Variants in HPS3 observed in about 807,000 individuals in gnomAD.
HPS3 encodes the protein BLOC-2 complex member HPS3.
Under a neutral mutation model 110.9 loss-of-function variants are expected in HPS3, and 79 were observed. The ratio of observed to expected loss-of-function variants is 0.71; its 90% CI spans 0.59 to 0.86. The LOEUF is 0.86. Among genes scored for constraint, HPS3 ranks in the 40% least tolerant of loss-of-function variants. The pLI is 0.00. For synonymous variants in HPS3, 428 were observed against 451.0 expected, an observed-to-expected ratio of 0.95 and a Z score of 0.65; for missense variants, 1,197 against 1,206.2, an observed-to-expected ratio of 0.99 and a Z score of 0.11.
rs532275667 is a variant in HPS3, at chr3:149,143,702, A to G, written c.971-1652A>G. Among the ~76,000 whole-genome samples the G allele has an allele frequency of 9.2e-5, 14 of 152,312 alleles. 1 individual carries two copies. In the South Asian group the frequency reaches 2.3e-3, roughly 25 times the overall value. On this transcript the variant is annotated intron_variant, in intron 4 of 16. Coordinates refer to ENST00000296051, the MANE Select transcript of HPS3 (RefSeq NM_032383.5). ...TTATATGAGGTGTAAAATTATGTGT[A>G]TTTGGAGATTCGTGAGCAGTTCTCT...
chr3:149,130,072 C>T lies in HPS3; in HGVS notation c.217+132C>T, dbSNP rs115165700. 0.011 allele frequency: 9,603 copies of T among 864,686 alleles called. 137 individuals carry two copies. The highest frequency in any genetic ancestry group is 0.056 in the African/African-American group (3,376 of 59,992). 53.6% of individuals were successfully genotyped at this position (864,686 alleles called of 1,614,324 possible). ...CTTCCCGGAATTTGCCGGATGGTCT[C>T]CCTGGGTCTGGCCGCTGATTGCTTG... On this transcript the variant is annotated intron_variant, in intron 1 of 16. Coordinates refer to ENST00000296051, the MANE Select transcript of HPS3 (RefSeq NM_032383.5).
At chr3:149,134,895 A>G (rs1721997469) in intron 1 of HPS3, among the ~76,000 whole-genome samples, 1 of 152,208 alleles carries the variant, frequency 6.6e-6, no homozygotes, top group African/African-American at 2.4e-5. Flanking sequence ...GCTCCTATTA[A>G]TGCACCCACA....
intron 1 of HPS3, among the ~76,000 whole-genome samples, chr3:149,134,319 A>G (rs1431351432): frequency 6.6e-6 from 1 of 152,196 alleles, no homozygotes; most frequent in Non-Finnish European, 1.5e-5. Context: ...TCTCACTTTC[A>G]AGAGTTCTAC....
intron 6 of HPS3, among the ~76,000 whole-genome samples, chr3:149,151,622 T>C (rs970460700): frequency 8.2e-6 from 1 of 122,108 alleles, no homozygotes; most frequent in Non-Finnish European, 1.8e-5. Flanking sequence ...AAAAAGCCTC[T>C]TGACCACAGA....
At chr3:149,156,711 T>C (rs1176476706) in intron 8 of HPS3, among the ~76,000 whole-genome samples, 1 of 152,156 alleles carries the variant, frequency 6.6e-6, no homozygotes, top group Non-Finnish European at 1.5e-5. Context: ...TAATTTTTGG[T>C]CATCAGGTCA....
chr3:149,143,923 G>A (rs1722633871), intron 4 of HPS3, among the ~76,000 whole-genome samples: 1 of 152,140 alleles, frequency 6.6e-6, no homozygotes, highest in African/African-American at 2.4e-5. Context: ...AAATAGTGCA[G>A]TGAACCCCCA....
chr3:149,164,043 G>A (rs1724163991), intron 14 of HPS3, 94 bp downstream of exon 14: 2 of 687,302 alleles, frequency 2.9e-6, no homozygotes, highest in Admixed American at 2.4e-5. Flanking sequence ...TGTTAATCTA[G>A]AATGTAGAAT....
intron 4 of HPS3, among the ~76,000 whole-genome samples, chr3:149,143,626 C>T (rs1024607232): frequency 6.6e-5 from 10 of 151,976 alleles, no homozygotes; most frequent in Admixed American, 6.6e-5. Context: ...TGAGCTGGGC[C>T]GTAATGGATG....
At chr3:149,130,012 T>C in intron 1 of HPS3, 72 bp downstream of exon 1, 1 of 1,390,896 alleles carries the variant, frequency 7.2e-7, no homozygotes, top group Non-Finnish European at 9.8e-7. Flanking sequence ...ACCGAACGTC[T>C]GGGCTGTAGC....
chr3:149,129,856 G>C lies in HPS3; in HGVS notation c.133G>C (p.Ala45Pro), dbSNP rs746651112. ...GGCGGGCTGCAAGGTGGAGGCGTTC[G>C]CGGTGGCCGGCCAGGAGCTGTGCCA... The part of the protein sequence containing the change: ...VAAGCKVEAF[A>P]VAGQELCQPR... Residue 45 changes from alanine to proline, a missense_variant, in exon 1 of 17, where the codon GCG becomes CCG. Transcript: ENST00000296051. The C allele has an allele frequency of 3.7e-6, 6 of 1,600,202 alleles. No individual in the cohort carries two copies. The East Asian group carries it at 9.0e-5, about 24-fold the overall frequency.
chr3:149,143,282 G>A (rs1386844090), intron 4 of HPS3, among the ~76,000 whole-genome samples: 2 of 152,150 alleles, frequency 1.3e-5, no homozygotes, highest in African/African-American at 2.4e-5. Context: ...CCACAGGCAC[G>A]CTTATCTAAG....
At chr3:149,164,618 AG>A (rs900910142) in intron 14 of HPS3, among the ~76,000 whole-genome samples, 3 of 152,216 alleles carry the variant, frequency 2.0e-5, no homozygotes, top group Non-Finnish European at 4.4e-5. Context: ...TTCCCAGTGT[AG>A]GTGCTAACAT....
chr3:149,145,764 T>C (rs1025165168), intron 5 of HPS3, among the ~76,000 whole-genome samples: 13 of 152,352 alleles, frequency 8.5e-5, no homozygotes, highest in South Asian at 2.1e-4. Flanking sequence ...CTAGACTGGA[T>C]AGGGGTCCCT....
chr3:149,143,730 G>A (rs1435841000), intron 4 of HPS3, among the ~76,000 whole-genome samples: 1 of 152,108 alleles, frequency 6.6e-6, no homozygotes, highest in Non-Finnish European at 1.5e-5. Flanking sequence ...AGTTCTCTTT[G>A]GCCAGAGCAC....
intron 14 of HPS3, among the ~76,000 whole-genome samples, chr3:149,164,235 A>G (rs1184662446): frequency 6.6e-6 from 1 of 152,184 alleles, no homozygotes; most frequent in Non-Finnish European, 1.5e-5. Context: ...GCTTGAAAAC[A>G]CTTTGTGAAA....
chr3:149,150,550 G>T, intron 5 of HPS3, 49 bp from the exon 6 acceptor site: 1 of 1,482,760 alleles, frequency 6.7e-7, no homozygotes, highest in Non-Finnish European at 9.4e-7. Context: ...CTGTGGGTAT[G>T]TTGGTTCTTG....
rs771058291 is a variant in HPS3, at chr3:149,162,251, A to G, written c.2210A>G (p.Gln737Arg). Reference sequence around the variant, plus strand: ...CTTGCACTTCACTTGAAGGAAACTCAGCCTGGATTGCTTGTGGCTTCAGTT... The same window carrying G: ...CTTGCACTTCACTTGAAGGAAACTCGGCCTGGATTGCTTGTGGCTTCAGTT... The part of the protein sequence containing the change: ...TELALHLKET[Q>R]PGLLVASVLG... Residue 737 changes from glutamine to arginine, a missense_variant, in exon 12 of 17, where the codon CAG becomes CGG. By Grantham distance (43) the Gln-to-Arg change is conservative. Transcript: ENST00000296051. The G allele has an allele frequency of 1.9e-6, 3 of 1,613,936 alleles. No individual in the cohort carries two copies. The East Asian group carries it at 6.7e-5, about 36-fold the overall frequency.
intron 5 of HPS3, among the ~76,000 whole-genome samples, chr3:149,149,443 T>C (rs1018473126): frequency 3.3e-5 from 5 of 152,134 alleles, no homozygotes; most frequent in African/African-American, 9.7e-5. Context: ...GTCCTAGTTA[T>C]TGTCAGGACT....
chr3:149,148,361 C>T (rs1722901458), intron 5 of HPS3, among the ~76,000 whole-genome samples: 1 of 150,492 alleles, frequency 6.6e-6, no homozygotes, highest in South Asian at 2.1e-4. Context: ...GAAAGCCCCC[C>T]ATGAAATCCT....
Sources: allele counts gnomAD v4.1 joint callset (sites outside exome capture counted in the v4.1 genomes callset), GRCh38; gene constraint gnomAD v4.1.1; transcripts MANE v1.5; gene names NCBI Gene and HGNC (gene_info 2026-07-23, HGNC 2026-07-21).